PAG1: variants seen among roughly 807,000 people sequenced by gnomAD.
PAG1 encodes phosphoprotein associated with glycosphingolipid-enriched microdomains 1.
Under a neutral mutation model 31.7 loss-of-function variants are expected in PAG1, and 23 were observed. The observed-to-expected ratio is 0.73, with a 90% CI of 0.52 to 1.03. The LOEUF (loss-of-function observed/expected upper bound fraction) is 1.03, where lower values mean the gene tolerates loss of function less well. Ranked by LOEUF, PAG1 falls within the 50% of genes least tolerant of loss-of-function variation. PAG1 has a pLI of 0.00. For synonymous variants in PAG1, 214 were observed against 210.3 expected, an observed-to-expected ratio of 1.02 and a Z score of -0.15; for missense variants, 473 against 540.7, an observed-to-expected ratio of 0.87 and a Z score of 1.24.
At chr8:80,987,512 G>C (rs1232890842) in intron 5 of PAG1, 46 bp from the exon 6 acceptor site, 3 of 1,303,400 alleles carry the variant, frequency 2.3e-6, no homozygotes, top group Non-Finnish European at 3.3e-6. Flanking sequence ...ACATTGCTAA[G>C]AATCTGGACT....
At chr8:81,041,593 T>A (rs1285903293) in intron 2 of PAG1, among the ~76,000 whole-genome samples, 1 of 152,230 alleles carries the variant, frequency 6.6e-6, no homozygotes, top group Non-Finnish European at 1.5e-5. Flanking sequence ...GTGTTATGTC[T>A]GGAAACTTTT....
At position 81,007,526 on chromosome 8, in the gene PAG1, A is replaced by T. The variant is rs113053357; in HGVS notation, c.-80-14219T>A. 6.6e-3 allele frequency among the ~76,000 whole-genome samples: 967 copies of T among 147,390 alleles called. 15 individuals carry two copies. The highest frequency in any genetic ancestry group is 0.023 in the African/African-American group (915 of 40,040). On this transcript the variant is annotated intron_variant, in intron 3 of 8. Transcript: ENST00000220597. ...GTGGCGGGCACGTGTAATCCCAGCT[A>T]TTCAGGAGGCTGGGGCAGGAGAATT...
intron 2 of PAG1, among the ~76,000 whole-genome samples, chr8:81,042,239 C>T (rs1563640114): frequency 1.3e-5 from 2 of 152,150 alleles, no homozygotes; most frequent in Non-Finnish European, 1.5e-5. Flanking sequence ...CCAGTCAAGG[C>T]TCTTGCCCAT....
intron 8 of PAG1, among the ~76,000 whole-genome samples, chr8:80,979,496 C>T (rs1259142653): frequency 6.6e-6 from 1 of 152,148 alleles, no homozygotes; most frequent in African/African-American, 2.4e-5. Context: ...AGGTTTTGGT[C>T]TGTGCAACCA....
Position 80,970,751 on chromosome 8 carries a change from A to G in PAG1, c.*5793T>C, listed in dbSNP as rs576391359. ...CATGTTTTGGCAAAAGTCGTGACAA[A>G]TAGCACCAGCATCTGCCGCCCTAGG... On this transcript the variant is annotated 3_prime_UTR_variant, in exon 9 of 9. Coordinates refer to ENST00000220597, the MANE Select transcript of PAG1 (RefSeq NM_018440.4). 6.5e-6 allele frequency: 1 copy of G among 153,300 alleles called. No homozygotes were observed. Among genetic ancestry groups the G allele is most frequent in the Non-Finnish European group, 1.5e-5 (1 of 68,164 alleles). 9.5% of individuals were successfully genotyped at this position (153,300 alleles called of 1,614,324 possible).
At position 81,022,701 on chromosome 8, in the gene PAG1, C is replaced by G. The variant is rs531090985; in HGVS notation, c.-81+7295G>C. Among the ~76,000 whole-genome samples the G allele has an allele frequency of 1.4e-4, 21 of 152,092 alleles. No individual in the cohort carries two copies. The South Asian group carries it at 3.1e-3, about 23-fold the overall frequency. On this transcript the variant is annotated intron_variant, in intron 3 of 8. Coordinates refer to ENST00000220597, the MANE Select transcript of PAG1 (RefSeq NM_018440.4). ...ATGTATATCTTCAATAAAAAGAGAA[C>G]ATAAAAAACAGTATAGGGATTTGTT...
intron 2 of PAG1, among the ~76,000 whole-genome samples, chr8:81,037,872 C>T (rs1355985309): frequency 1.3e-5 from 2 of 152,220 alleles, no homozygotes; most frequent in African/African-American, 4.8e-5. Context: ...GTCCTTTCCA[C>T]TCTGCACATT....
intron 6 of PAG1, 91 bp downstream of exon 6, chr8:80,987,279 T>G (rs1807443925): frequency 1.2e-6 from 1 of 821,550 alleles, no homozygotes; most frequent in Non-Finnish European, 2.1e-6. Context: ...CAATAACACA[T>G]TTCCTACTTT....
chr8:81,041,640 T>C (rs771134589), intron 2 of PAG1, among the ~76,000 whole-genome samples: 3 of 152,264 alleles, frequency 2.0e-5, no homozygotes, highest in Non-Finnish European at 4.4e-5. Context: ...TTCTTGGTTA[T>C]ACTTCTACCT....
rs1481946818 is a variant in PAG1 at position 80,972,278 on chromosome 8, T to C, written c.*4266A>G. 3.9e-5 allele frequency: 6 copies of C among 152,140 alleles called. No individual in the cohort carries two copies. Among genetic ancestry groups the C allele is most frequent in the Non-Finnish European group, 7.4e-5 (5 of 68,018 alleles). 9.4% of individuals were successfully genotyped at this position (152,140 alleles called of 1,614,324 possible). On this transcript the variant is annotated 3_prime_UTR_variant, in exon 9 of 9. Coordinates refer to ENST00000220597, the MANE Select transcript of PAG1 (RefSeq NM_018440.4). Reference sequence around the variant, plus strand: ...GGCTGGGTACCAGAAATCAACACCTTCAGGAGAATGGCATCACAAGATTGC... The same window carrying C: ...GGCTGGGTACCAGAAATCAACACCTCCAGGAGAATGGCATCACAAGATTGC...
intron 2 of PAG1, among the ~76,000 whole-genome samples, chr8:81,065,932 C>A (rs1283719007): frequency 2.6e-5 from 4 of 152,088 alleles, no homozygotes; most frequent in African/African-American, 4.8e-5. Flanking sequence ...CCTAGCTACA[C>A]AGAGAGCTGT....
At chr8:81,057,177 C>T (rs1314517851) in intron 2 of PAG1, among the ~76,000 whole-genome samples, 1 of 152,170 alleles carries the variant, frequency 6.6e-6, no homozygotes, top group Non-Finnish European at 1.5e-5. Flanking sequence ...CCTCAAGGGT[C>T]TAGAACTAGA....
intron 2 of PAG1, among the ~76,000 whole-genome samples, chr8:81,033,922 C>T (rs1404397009): frequency 6.6e-6 from 1 of 152,332 alleles, no homozygotes; most frequent in East Asian, 1.9e-4. Flanking sequence ...ACAGTCTCTT[C>T]TGGGGAAGGA....
intron 1 of PAG1, among the ~76,000 whole-genome samples, chr8:81,091,439 C>A (rs1809444539): frequency 6.6e-6 from 1 of 152,068 alleles, no homozygotes; most frequent in African/African-American, 2.4e-5. Context: ...GCAATTTCAT[C>A]ATGCGAACAT....
chr8:81,028,374 C>T (rs1029825583), intron 3 of PAG1, among the ~76,000 whole-genome samples: 1 of 152,206 alleles, frequency 6.6e-6, no homozygotes, highest in Non-Finnish European at 1.5e-5. Flanking sequence ...TCTTTGGCAG[C>T]ATACACTTGC....
intron 1 of PAG1, among the ~76,000 whole-genome samples, chr8:81,099,361 G>C (rs1268990633): frequency 6.6e-6 from 1 of 152,192 alleles, no homozygotes; most frequent in Non-Finnish European, 1.5e-5. Context: ...AGTTACAAAA[G>C]TAGTAGAGGG....
intron 3 of PAG1, among the ~76,000 whole-genome samples, chr8:81,013,319 C>G (rs1169796501): frequency 6.6e-6 from 1 of 152,232 alleles, no homozygotes; most frequent in Non-Finnish European, 1.5e-5. Flanking sequence ...AGATCTGTAT[C>G]TCTGGCCCAA....
intron 2 of PAG1, among the ~76,000 whole-genome samples, chr8:81,061,101 T>G (rs1263796859): frequency 6.6e-6 from 1 of 152,186 alleles, no homozygotes; most frequent in Admixed American, 6.5e-5. Flanking sequence ...GTAACTCTAT[T>G]CCCAGACATA....
intron 2 of PAG1, among the ~76,000 whole-genome samples, chr8:81,068,408 T>C (rs190149570): frequency 6.6e-6 from 1 of 152,306 alleles, no homozygotes; most frequent in Admixed American, 6.5e-5. Context: ...GACACACAAT[T>C]ACAAGTTTCA....
Sources: allele counts gnomAD v4.1 joint callset (sites outside exome capture counted in the v4.1 genomes callset), GRCh38; gene constraint gnomAD v4.1.1; transcripts MANE v1.5; gene names NCBI Gene and HGNC (gene_info 2026-07-23, HGNC 2026-07-21).